ABCB4: variants seen among roughly 807,000 people sequenced by gnomAD.
ABCB4 encodes phosphatidylcholine translocator ABCB4.
A neutral mutation model predicts 145.7 loss-of-function variants in ABCB4; 76 were observed. The observed-to-expected ratio is 0.52, with a 90% confidence interval of 0.43 to 0.63. The LOEUF is 0.63. ABCB4 is among the 30% of genes least tolerant of loss of function. ABCB4 has a pLI of 0.00. For synonymous variants in ABCB4, 517 were observed against 566.8 expected (o/e 0.91, Z 1.25); for missense variants, 1,234 against 1,553.1 (o/e 0.79, Z 3.45).
At chr7:87,472,745 T>A in intron 2 of ABCB4, 70 bp from the exon 3 acceptor site, 1 of 1,094,464 alleles carries the variant, frequency 9.1e-7, no homozygotes, top group South Asian at 1.3e-5. Context: ...AACATAAATA[T>A]GTTTAGTTAC....
In ABCB4 at chr7:87,417,423, G is replaced by C; in HGVS notation, c.2571C>G (p.Thr857=). 1 of 1,614,068 alleles carries C rather than the reference G, an allele frequency of 6.2e-7. No homozygotes were observed. The highest frequency in any genetic ancestry group is 8.5e-7 in the Non-Finnish European group (1 of 1,180,000). ...IISFIYGWQL[T]LLLLAVVPII... The stretch of plus-strand genomic sequence containing the variant: ...TTGGAACAACTGCTAATAGCAATAG[G>C]GTTAACTGCCAACCGTAGATAAATG... Residue 857 remains threonine, a synonymous_variant, in exon 21 of 28, where the codon ACC becomes ACG. Transcript: ENST00000649586.
rs139721326 is a variant in ABCB4, at chr7:87,431,303, T to A, written c.1893+101A>T. The A allele has an allele frequency of 8.8e-5, 129 of 1,472,374 alleles. No individual in the cohort carries two copies. The African/African-American group carries it at 1.5e-3, about 17-fold the overall frequency. The allele number at this position is 1,472,374 out of a possible 1,614,324, so 91.2% of individuals were successfully genotyped here. A position where few individuals can be genotyped will look rare whatever the true frequency, so the allele number is the denominator to read the frequency against. On this transcript the variant is annotated intron_variant, in intron 15 of 27. Transcript: ENST00000649586. ...ACACTTTTAGGCATCTTGTTGAAGT[T>A]TCTTCTTGCTCAGTATAGCATTCAC...
the ABCB4 span, chr7:87,382,535 TCA>T: frequency 6.2e-7 from 1 of 1,613,574 alleles, no homozygotes; most frequent in Non-Finnish European, 8.5e-7. Flanking sequence ...ATTACAGACT[TCA>T]TGGACAGTAA....
intron 9 of ABCB4, among the ~76,000 whole-genome samples, chr7:87,446,479 A>C (rs769858361): frequency 2.6e-5 from 4 of 152,230 alleles, no homozygotes; most frequent in Non-Finnish European, 5.9e-5. Context: ...AATATAAATT[A>C]TTAGATTGTA....
chr7:87,454,260 A>T (rs1156388916), intron 5 of ABCB4, among the ~76,000 whole-genome samples: 1 of 152,230 alleles, frequency 6.6e-6, no homozygotes, highest in Non-Finnish European at 1.5e-5. Flanking sequence ...CAAAATTGGA[A>T]TATAGATGTT....
chr7:87,383,606 C>T, the ABCB4 span, among the ~76,000 whole-genome samples: 1 of 151,868 alleles, frequency 6.6e-6, no homozygotes, highest in East Asian at 1.9e-4. Context: ...AGCAATTCTC[C>T]CTGCCTCAGC....
chr7:87,411,383 T>G (rs924942013), intron 23 of ABCB4, among the ~76,000 whole-genome samples: 1 of 152,136 alleles, frequency 6.6e-6, no homozygotes, highest in Admixed American at 6.5e-5. Context: ...ACCAGTAGTT[T>G]GCCTTGGAAA....
chr7:87,407,536 G>C (rs189039532), intron 25 of ABCB4, among the ~76,000 whole-genome samples: 5 of 152,344 alleles, frequency 3.3e-5, no homozygotes, highest in Admixed American at 3.3e-4. Context: ...TCAAGGAAGA[G>C]AGCCACGGGG....
intron 18 of ABCB4, among the ~76,000 whole-genome samples, chr7:87,420,519 TA>T (rs1249769116): frequency 6.6e-6 from 1 of 152,196 alleles, no homozygotes; most frequent in Admixed American, 6.5e-5. Context: ...TGACAAGTTA[TA>T]AAATTCCTTT....
rs760455702 is a variant in ABCB4 at position 87,475,422 on chromosome 7, G to A, written c.44C>T (p.Thr15Met). The change falls in exon 2 of 28, where the codon ACG becomes ATG. Residue 15 changes from threonine to methionine, a missense_variant. By Grantham distance (81) the Thr-to-Met change is moderately conservative (BLOSUM62 -1). This residue lies in a region of ABCB4 where 77 missense variants were observed against 73.3 expected (regional missense o/e 1.05). Coordinates refer to ENST00000649586, the MANE Select transcript of ABCB4 (RefSeq NM_000443.4). ...CAGTTCAAAGTCGCCCTCCGCGCTC[G>A]TGGGGCGCCAGGCTGTTCCGTTCTT... ...AAKNGTAWRP[T>M]SAEGDFELGI... The A allele has an allele frequency of 1.9e-6, 3 of 1,614,108 alleles. No homozygotes were observed. Among genetic ancestry groups the A allele is most frequent in the Admixed American group, 1.7e-5 (1 of 60,016 alleles).
the ABCB4 span, among the ~76,000 whole-genome samples, chr7:87,388,875 C>T: frequency 5.3e-5 from 8 of 152,038 alleles, no homozygotes; most frequent in African/African-American, 1.7e-4. Flanking sequence ...GCAATCTAAC[C>T]ACCTGACAAA....
At position 87,453,155 on chromosome 7, in the gene ABCB4, C is replaced by G. The variant is rs1478686107; in HGVS notation, c.345-20G>C. Reference sequence around the variant, plus strand: ...GCATATCTGAAAAAAAAGAGAAAGGCTCTATTAAATACCTTCTCTTTTCTT... The same window carrying G: ...GCATATCTGAAAAAAAAGAGAAAGGGTCTATTAAATACCTTCTCTTTTCTT... On this transcript the variant is annotated intron_variant, in intron 5 of 27. Transcript: ENST00000649586. 1 of 1,606,830 alleles carries G rather than the reference C, an allele frequency of 6.2e-7. No individual in the cohort carries two copies.
intron 26 of ABCB4, 46 bp downstream of exon 26, chr7:87,406,242 G>A (rs1808175362): frequency 1.3e-6 from 2 of 1,575,510 alleles, no homozygotes; most frequent in Non-Finnish European, 1.7e-6. Context: ...AATTGTTTGG[G>A]GGATAAAAAG....
At chr7:87,371,992 T>TCAAAAAAAAAAAAA in the ABCB4 span, among the ~76,000 whole-genome samples, 1 of 75,716 alleles carries the variant, frequency 1.3e-5, no homozygotes, top group Non-Finnish European at 2.5e-5. Context: ...AGACGCTGTC[T>TCAAAAAAAAAAAAA]CAAAAAAAAA....
chr7:87,372,007 C>CAAAAAAAAAAAAAAAAAAAAAA, the ABCB4 span, among the ~76,000 whole-genome samples: 4 of 124,002 alleles, frequency 3.2e-5, no homozygotes, highest in Non-Finnish European at 3.3e-5. Flanking sequence ...AAAAAAAAAA[C>CAAAAAAAAAAAAAAAAAAAAAA]AAAAAAAAAA....
At chr7:87,463,033 G>C (rs1584783556) in intron 3 of ABCB4, 125 bp from the exon 4 acceptor site, 1 of 796,796 alleles carries the variant, frequency 1.3e-6, no homozygotes, top group East Asian at 2.7e-5. Context: ...GAATGTCTTA[G>C]AAAAGGAGGC....
upstream of ABCB4, chr7:87,475,692 G>A (rs891511180): frequency 5.8e-6 from 3 of 513,412 alleles, no homozygotes; most frequent in African/African-American, 6.2e-5. Flanking sequence ...CAGCAGAGGG[G>A]CCTGGACTTT....
chr7:87,461,651 A>G (rs1812467676), intron 4 of ABCB4, among the ~76,000 whole-genome samples: 2 of 152,230 alleles, frequency 1.3e-5, no homozygotes, highest in Admixed American at 1.3e-4. Flanking sequence ...TTCAGAAACT[A>G]TATTACTTGA....
intron 23 of ABCB4, among the ~76,000 whole-genome samples, chr7:87,411,065 T>G (rs962545848): frequency 6.6e-6 from 1 of 152,134 alleles, no homozygotes; most frequent in Non-Finnish European, 1.5e-5. Context: ...TTTAGCAAAC[T>G]CATCAATTAA....
Sources: gnomAD v4.1 joint callset for allele counts (sites outside exome capture counted in the v4.1 genomes callset) on GRCh38, gnomAD v4.1.1 for gene constraint, gnomAD v4.1.1 regional missense constraint, MANE v1.5 for transcripts, NCBI Gene and HGNC (gene_info 2026-07-23, HGNC 2026-07-21) for gene names.